CRACD: variants seen among roughly 807,000 people sequenced by gnomAD.
CRACD encodes capping protein inhibiting regulator of actin dynamics, also known as capping protein-inhibiting regulator of actin dynamics.
CRACD carries 56 observed loss-of-function variants against 106.8 expected under a neutral mutation model. The observed-to-expected ratio is 0.52, with a 90% CI of 0.42 to 0.66. The LOEUF (loss-of-function observed/expected upper bound fraction) is 0.66. Ranked by LOEUF, CRACD falls within the 30% of genes least tolerant of loss-of-function variation. The pLI, the probability that CRACD is intolerant of heterozygous loss-of-function variation, is 0.00. For missense variants in CRACD, 1,730 were observed against 1,623.2 expected, an observed-to-expected ratio of 1.07 and a Z score of -1.13; for synonymous variants, 754 against 670.8, an observed-to-expected ratio of 1.12 and a Z score of -1.92.
At chr4:56,087,586 C>T (rs946500449) in intron 1 of CRACD, among the ~76,000 whole-genome samples, 1 of 152,146 alleles carries the variant, frequency 6.6e-6, no homozygotes, top group African/African-American at 2.4e-5. Flanking sequence ...TTCACTCATT[C>T]CTGTGGCTCT....
rs1317647553 is a variant in CRACD at position 56,327,650 on chromosome 4, T to C, written c.3548T>C (p.Ile1183Thr). 6.2e-7 allele frequency: 1 copy of C among 1,613,058 alleles called. No individual in the cohort carries two copies. Residue 1183 changes from isoleucine to threonine, a missense_variant, in exon 11 of 11, where the codon ATC (isoleucine) becomes ACC (threonine). Coordinates refer to ENST00000682029, the MANE Select transcript of CRACD (RefSeq NM_001393381.1). ...NTLPTSVTVE[I>T]SDSAPPAPLV... ...CCTTCAAAACAAAATCCAGTGGAGA[T>C]CTCCGACTCGGCTCCCCCAGCGCCG...
intron 3 of CRACD, among the ~76,000 whole-genome samples, chr4:56,295,544 A>G (rs1017394547): frequency 6.6e-6 from 1 of 151,640 alleles, no homozygotes; most frequent in Non-Finnish European, 1.5e-5. Flanking sequence ...GCCTATGTGG[A>G]AAAATAAATC....
chr4:56,143,212 C>G (rs540153763), intron 1 of CRACD, among the ~76,000 whole-genome samples: 1 of 151,932 alleles, frequency 6.6e-6, no homozygotes, highest in East Asian at 1.9e-4. Flanking sequence ...CATGAATAGT[C>G]TTCCCCTGCC....
intron 2 of CRACD, among the ~76,000 whole-genome samples, chr4:56,224,907 A>C (rs1044645848): frequency 1.3e-5 from 2 of 152,152 alleles, no homozygotes; most frequent in Non-Finnish European, 2.9e-5. Context: ...CTTTACCCTG[A>C]AGTTGGGAGC....
chr4:56,258,409 G>A (rs1741499277), intron 2 of CRACD, among the ~76,000 whole-genome samples: 1 of 152,194 alleles, frequency 6.6e-6, no homozygotes, highest in South Asian at 2.1e-4. Flanking sequence ...AACCAGCTTG[G>A]CCACATGTTC....
At chr4:56,094,355 A>G (rs1733522630) in intron 1 of CRACD, among the ~76,000 whole-genome samples, 1 of 151,974 alleles carries the variant, frequency 6.6e-6, no homozygotes, top group South Asian at 2.1e-4. Flanking sequence ...CACAGGAAAA[A>G]CTAGAAAGAA....
chr4:56,314,330 G>T lies in CRACD; in HGVS notation c.828G>T (p.Gly276=), dbSNP rs756151128. ...RQELLEEEGE[G]QEPPLEAERA... Reference sequence around the variant, plus strand: ...AGCTCTTGGAGGAGGAGGGCGAGGGGCAGGAGCCGCCTCTAGAGGCGGAAA... The same window carrying T: ...AGCTCTTGGAGGAGGAGGGCGAGGGTCAGGAGCCGCCTCTAGAGGCGGAAA... Residue 276 remains glycine, a synonymous_variant, in exon 8 of 11, where the codon GGG becomes GGT. Transcript: ENST00000682029. The surrounding 1 kb of genome is among the most constrained non-coding windows in gnomAD (Gnocchi z 4.4). The T allele has an allele frequency of 6.4e-7, 1 of 1,550,766 alleles. No homozygotes were observed. The highest frequency in any genetic ancestry group is 1.4e-5 in the African/African-American group (1 of 73,046).
intron 8 of CRACD, among the ~76,000 whole-genome samples, chr4:56,321,903 C>T (rs1379522126): frequency 6.6e-6 from 1 of 152,060 alleles, no homozygotes; most frequent in African/African-American, 2.4e-5. Flanking sequence ...AGAATCTGCC[C>T]CCTGCCCTTT....
At position 56,314,286 on chromosome 4, in the gene CRACD, G is replaced by T; in HGVS notation, c.784G>T (p.Glu262Ter). The change falls in exon 8 of 11, where the codon GAA becomes TAA. Residue 262 changes from glutamate to a stop codon, truncating the protein, a stop_gained. Transcript: ENST00000682029. LOFTEE classifies it high-confidence loss of function. This position sits in a 1 kb window ranked among gnomAD's most constrained non-coding sequence, Gnocchi z 4.4. ...RLQALERRLW[E>*]ENRRQELLEE... ...GCAGGCGCTGGAGAGGAGGCTTTGG[G>T]AAGAGAACAGAAGGCAGGAGCTCTT... is the stretch of plus-strand genomic sequence containing the variant. 6.4e-7 allele frequency: 1 copy of T among 1,556,686 alleles called. No individual in the cohort carries two copies. The highest frequency in any genetic ancestry group is 8.7e-7 in the Non-Finnish European group (1 of 1,149,548).
intron 1 of CRACD, among the ~76,000 whole-genome samples, chr4:56,152,087 G>A (rs1735601412): frequency 6.7e-6 from 1 of 149,142 alleles, no homozygotes; most frequent in African/African-American, 2.5e-5. Context: ...TCGGCTCACT[G>A]CCAGCTCCAC....
chr4:56,304,612 C>A (rs1002522453), intron 4 of CRACD, among the ~76,000 whole-genome samples: 1 of 151,894 alleles, frequency 6.6e-6, no homozygotes, highest in African/African-American at 2.4e-5. Flanking sequence ...ACCCCACCCA[C>A]CTCTACAAAA....
chr4:56,179,935 T>C (rs6844662), intron 2 of CRACD, among the ~76,000 whole-genome samples: 1 of 151,704 alleles, frequency 6.6e-6, no homozygotes, highest in Admixed American at 6.6e-5. Flanking sequence ...GAGAATCGCT[T>C]GAACTCAGGA....
intron 3 of CRACD, among the ~76,000 whole-genome samples, chr4:56,292,410 A>G (rs1743745733): frequency 6.6e-6 from 1 of 152,236 alleles, no homozygotes; most frequent in African/African-American, 2.4e-5. Flanking sequence ...AAAGATTTCT[A>G]ACCAGCCATG....
At position 56,142,580 on chromosome 4, in the gene CRACD, C is replaced by T. The variant is rs544209547; in HGVS notation, c.-335-36704C>T. Among the ~76,000 whole-genome samples, 9 of 152,236 alleles carry T rather than the reference C, an allele frequency of 5.9e-5. No homozygotes were observed. In the South Asian group the frequency reaches 1.9e-3, roughly 32 times the overall value. ...TGTTTATGTAATTCTACCTACCAGT[C>T]TTTTCTTTCATGTTCTTGGCTCTGT... On this transcript the variant is annotated intron_variant, in intron 1 of 10. Coordinates refer to ENST00000682029, the MANE Select transcript of CRACD (RefSeq NM_001393381.1).
chr4:56,315,470 G>C lies in CRACD; in HGVS notation c.1968G>C (p.Gln656His), dbSNP rs1221314575. 6.2e-7 allele frequency: 1 copy of C among 1,613,084 alleles called. No individual in the cohort carries two copies. The highest frequency in any genetic ancestry group is 2.2e-5 in the East Asian group (1 of 44,860). ...RAGSGKAKPR[Q>H]ESPSSASALA... ...GCAGCGGGAAGGCTAAGCCCCGCCA[G>C]GAGTCTCCCAGCAGCGCGTCCGCAC... The change falls in exon 8 of 11, where the codon CAG becomes CAC. Residue 656 changes from glutamine (Q) to histidine (H), a missense_variant. Gln to His is a conservative substitution (Grantham distance 24). Coordinates refer to ENST00000682029, the MANE Select transcript of CRACD (RefSeq NM_001393381.1). The surrounding 1 kb of genome is among the most constrained non-coding windows in gnomAD (Gnocchi z 4.1).
At chr4:56,324,949 C>T (rs1236296285) in intron 10 of CRACD, among the ~76,000 whole-genome samples, 1 of 152,054 alleles carries the variant, frequency 6.6e-6, no homozygotes, top group African/African-American at 2.4e-5. Context: ...GATCATTATA[C>T]ATTATTTGTA....
chr4:56,165,908 T>A (rs1339918248), intron 1 of CRACD, among the ~76,000 whole-genome samples: 1 of 152,244 alleles, frequency 6.6e-6, no homozygotes, highest in Non-Finnish European at 1.5e-5. Flanking sequence ...TTGCCCAGCC[T>A]GCAGTGTAGT....
intron 1 of CRACD, among the ~76,000 whole-genome samples, chr4:56,166,686 A>AAAAAAC (rs1736168850): frequency 1.3e-5 from 2 of 151,734 alleles, no homozygotes; most frequent in Non-Finnish European, 1.5e-5. Flanking sequence ...AAAAAAAAAA[A>AAAAAAC]AAAAAACCAT....
chr4:56,076,585 T>C (rs1049195444), intron 1 of CRACD, among the ~76,000 whole-genome samples: 10 of 152,234 alleles, frequency 6.6e-5, no homozygotes, highest in Admixed American at 3.3e-4. Context: ...ATTCCTATTC[T>C]ATACCTGCCA....
Sources: gnomAD v4.1 joint callset for allele counts (sites outside exome capture counted in the v4.1 genomes callset) on GRCh38, gnomAD v4.1.1 for gene constraint, Gnocchi (gnomAD v3.1) non-coding constraint, MANE v1.5 for transcripts, NCBI Gene and HGNC (gene_info 2026-07-23, HGNC 2026-07-21) for gene names.